The following RELN variants were observed in gnomAD, a reference collection of about 807,000 sequenced individuals.
RELN encodes reelin.
In RELN, 108 loss-of-function variants were observed where a neutral mutation model predicts 427.6. The ratio of observed to expected loss-of-function variants is 0.25; its 90% CI spans 0.22 to 0.30. The LOEUF is 0.30. Among genes scored for constraint, RELN ranks in the 10% least tolerant of loss-of-function variants. RELN has a pLI of 1.00. For missense variants in RELN, 3,715 were observed against 4,302.8 expected (o/e 0.86, Z 3.82); for synonymous variants, 1,524 against 1,513.4 (o/e 1.01, Z -0.16).
intron 2 of RELN, among the ~76,000 whole-genome samples, chr7:103,888,488 A>G (rs542319955): frequency 6.8e-4 from 103 of 152,290 alleles, no homozygotes; most frequent in African/African-American, 2.5e-3. Flanking sequence ...TTCCTCGATG[A>G]TAGTACACTT....
At chr7:103,576,307 T>A (rs1375437805) in intron 28 of RELN, among the ~76,000 whole-genome samples, 1 of 152,200 alleles carries the variant, frequency 6.6e-6, no homozygotes, top group Non-Finnish European at 1.5e-5. Context: ...GCCCAGCTAA[T>A]CTTTGTATTT....
intron 2 of RELN, among the ~76,000 whole-genome samples, chr7:103,909,837 A>AT (rs1554441134): frequency 6.3e-5 from 6 of 95,516 alleles, no homozygotes; most frequent in East Asian, 2.5e-4. Context: ...ATATATATTT[A>AT]ATATATATAT....
chr7:103,835,249 C>T (rs1195613469), intron 2 of RELN, among the ~76,000 whole-genome samples: 1 of 152,098 alleles, frequency 6.6e-6, no homozygotes, highest in African/African-American at 2.4e-5. Context: ...AAAGGTAAAA[C>T]TATGGAGACA....
At chr7:103,895,763 G>A (rs767370039) in intron 2 of RELN, among the ~76,000 whole-genome samples, 23 of 151,840 alleles carry the variant, frequency 1.5e-4, no homozygotes, top group South Asian at 2.1e-4. Context: ...TGGAGCATAC[G>A]TTAAAAAAAT....
chr7:103,485,365 A>G (rs1363048726), intron 61 of RELN, among the ~76,000 whole-genome samples: 1 of 152,022 alleles, frequency 6.6e-6, no homozygotes, highest in Non-Finnish European at 1.5e-5. Flanking sequence ...GTGAAAATAC[A>G]ACACTAATAT....
At chr7:103,786,139 A>T (rs1257305086) in intron 3 of RELN, among the ~76,000 whole-genome samples, 2 of 152,078 alleles carry the variant, frequency 1.3e-5, no homozygotes, top group Non-Finnish European at 2.9e-5. Context: ...AATATTAAAA[A>T]ACTTTTTTTC....
chr7:103,513,400 T>G (rs1374266093), intron 50 of RELN: 1 of 152,188 alleles, frequency 6.6e-6, no homozygotes, highest in Non-Finnish European at 1.5e-5. Context: ...TTACTTTTAT[T>G]CATATGGAAG....
intron 60 of RELN, among the ~76,000 whole-genome samples, chr7:103,488,306 A>G (rs1280251691): frequency 6.6e-6 from 1 of 152,210 alleles, no homozygotes; most frequent in Non-Finnish European, 1.5e-5. Context: ...TGATTTAAAC[A>G]GTACATTTTT....
chr7:103,581,891 T>A (rs891321709), intron 28 of RELN, among the ~76,000 whole-genome samples: 1 of 151,410 alleles, frequency 6.6e-6, no homozygotes, highest in Non-Finnish European at 1.5e-5. Flanking sequence ...AACTAGATGA[T>A]GGAGCCCAGG....
At chr7:103,583,124 A>T (rs761906377) in intron 28 of RELN, among the ~76,000 whole-genome samples, 1 of 152,204 alleles carries the variant, frequency 6.6e-6, no homozygotes. Context: ...GGGAGAAAGA[A>T]AGCTGGAAAT....
At chr7:103,722,998 A>C in intron 8 of RELN, 142 bp downstream of exon 8, 2 of 639,860 alleles carry the variant, frequency 3.1e-6, no homozygotes, top group Non-Finnish European at 5.7e-6. Context: ...TCACTTTAAA[A>C]ATGTTGTAGA....
intron 11 of RELN, among the ~76,000 whole-genome samples, chr7:103,665,995 AT>A (rs1353746976): frequency 5.3e-5 from 8 of 151,758 alleles, no homozygotes. Flanking sequence ...TTTTACCTTT[AT>A]AGTTAATACT....
intron 3 of RELN, among the ~76,000 whole-genome samples, chr7:103,782,808 C>A (rs952163572): frequency 6.6e-6 from 1 of 152,050 alleles, no homozygotes; most frequent in Non-Finnish European, 1.5e-5. Context: ...CATAGATTAA[C>A]CTAAAGAATC....
chr7:103,605,388 T>A (rs561646221), intron 22 of RELN, among the ~76,000 whole-genome samples: 1 of 152,244 alleles, frequency 6.6e-6, no homozygotes, highest in South Asian at 2.1e-4. Flanking sequence ...TGATCTTAAG[T>A]GGGGATGAAA....
rs1456156968 is a variant in RELN, at chr7:103,830,397, T to C, written c.473+3140A>G. Among the ~76,000 whole-genome samples the C allele has an allele frequency of 2.6e-5, 4 of 151,908 alleles. No homozygotes were observed. In the South Asian group the frequency reaches 6.2e-4, roughly 24 times the overall value. Reference sequence around the variant, plus strand: ...ATACAGAATATACTACAAAATCATATAAGCATGGCTAAAGTTTAATTTCTA... The same window carrying C: ...ATACAGAATATACTACAAAATCATACAAGCATGGCTAAAGTTTAATTTCTA... On this transcript the variant is annotated intron_variant, in intron 3 of 64. Coordinates refer to ENST00000428762, the MANE Select transcript of RELN (RefSeq NM_005045.4).
chr7:103,827,352 A>G (rs143865996), intron 3 of RELN, among the ~76,000 whole-genome samples: 82 of 152,068 alleles, frequency 5.4e-4, no homozygotes, highest in Non-Finnish European at 1.0e-3. Context: ...AAAGGAGAAA[A>G]GAGGGGGGAA....
At chr7:103,746,216 A>G (rs1195506671) in intron 6 of RELN, among the ~76,000 whole-genome samples, 6 of 152,262 alleles carry the variant, frequency 3.9e-5, no homozygotes, top group African/African-American at 9.6e-5. Flanking sequence ...CTAGCCATAC[A>G]CAGAAAGCTG....
chr7:103,829,339 T>C (rs745521686), intron 3 of RELN, among the ~76,000 whole-genome samples: 9 of 151,644 alleles, frequency 5.9e-5, no homozygotes, highest in Non-Finnish European at 7.4e-5. Flanking sequence ...TCCTTCTCCT[T>C]CTTCTTTCCC....
intron 16 of RELN, among the ~76,000 whole-genome samples, chr7:103,647,473 C>T (rs1396427945): frequency 6.6e-6 from 1 of 150,910 alleles, no homozygotes; most frequent in Non-Finnish European, 1.5e-5. Context: ...AAACAAAATA[C>T]CTAGGAATAC....
Sources: gnomAD v4.1 joint callset for allele counts (sites outside exome capture counted in the v4.1 genomes callset) on GRCh38, gnomAD v4.1.1 for gene constraint, MANE v1.5 for transcripts, NCBI Gene and HGNC (gene_info 2026-07-23, HGNC 2026-07-21) for gene names.